The following ALG6 variants were observed in gnomAD, a reference collection of about 807,000 sequenced individuals.
ALG6 encodes the protein dolichyl pyrophosphate Man9GlcNAc2 alpha-1,3-glucosyltransferase.
A neutral mutation model predicts 66.6 loss-of-function variants in ALG6; 46 were observed. The ratio of observed to expected loss-of-function variants is 0.69; its 90% CI spans 0.55 to 0.88. The LOEUF is 0.88. Among genes scored for constraint, ALG6 ranks in the 40% least tolerant of loss-of-function variants. The probability of loss-of-function intolerance (pLI) is 0.00; values close to 1 mark genes in which losing one functional copy is unlikely to be tolerated. For missense variants in ALG6, 505 were observed against 586.8 expected (o/e 0.86, Z 1.44); for synonymous variants, 185 against 203.7 (o/e 0.91, Z 0.78).
chr1:63,397,849 T>C (rs1028842989), intron 3 of ALG6, among the ~76,000 whole-genome samples: 1 of 152,222 alleles, frequency 6.6e-6, no homozygotes, highest in Non-Finnish European at 1.5e-5. Context: ...TTATTACTTA[T>C]AGAATGAAAA....
At chr1:63,391,161 G>T (rs1346377773) in intron 2 of ALG6, among the ~76,000 whole-genome samples, 1 of 152,142 alleles carries the variant, frequency 6.6e-6, no homozygotes, top group Non-Finnish European at 1.5e-5. Context: ...TAATTAAGAA[G>T]CACTTACAGG....
intron 2 of ALG6, among the ~76,000 whole-genome samples, chr1:63,384,147 G>T (rs1648427325): frequency 6.6e-6 from 1 of 152,084 alleles, no homozygotes. Context: ...TCAATATATG[G>T]ATTTCCTTTA....
intron 7 of ALG6, among the ~76,000 whole-genome samples, chr1:63,410,442 G>A (rs1174016397): frequency 6.6e-6 from 1 of 152,032 alleles, no homozygotes. Flanking sequence ...TTTTTGTAGA[G>A]ATGGGGTTTT....
At chr1:63,371,433 T>G in intron 2 of ALG6, 1 of 263,768 alleles carries the variant, frequency 3.8e-6, no homozygotes, top group South Asian at 4.1e-5. Flanking sequence ...AGAATAAAAT[T>G]GGGAATGAGA....
intron 1 of ALG6, among the ~76,000 whole-genome samples, chr1:63,369,112 G>C (rs1647825506): frequency 6.6e-6 from 1 of 152,198 alleles, no homozygotes; most frequent in Non-Finnish European, 1.5e-5. Flanking sequence ...AAAATTATGT[G>C]TGTGAGATTG....
chr1:63,426,902 A>G (rs1644617812), intron 12 of ALG6, among the ~76,000 whole-genome samples: 1 of 152,116 alleles, frequency 6.6e-6, no homozygotes, highest in Admixed American at 6.6e-5. Context: ...CATAAATGGG[A>G]AAGAATTAAA....
intron 3 of ALG6, 77 bp downstream of exon 3, chr1:63,396,674 G>A (rs1023006747): frequency 1.4e-5 from 18 of 1,277,510 alleles, no homozygotes; most frequent in East Asian, 2.3e-5. Flanking sequence ...GGGACAACAC[G>A]CTATTTTCTT....
At chr1:63,396,725 A>G (rs759540348) in intron 3 of ALG6, 128 bp downstream of exon 3, 13 of 826,450 alleles carry the variant, frequency 1.6e-5, no homozygotes, top group Non-Finnish European at 2.6e-5. Context: ...GGTGCCACAT[A>G]TGTATTGCCT....
intron 7 of ALG6, among the ~76,000 whole-genome samples, chr1:63,409,368 A>C (rs1353660590): frequency 6.6e-6 from 1 of 152,088 alleles, no homozygotes; most frequent in Non-Finnish European, 1.5e-5. Flanking sequence ...TACGTTTTGA[A>C]GACTCATGTT....
intron 4 of ALG6, 151 bp downstream of exon 4, chr1:63,402,494 T>A: frequency 9.8e-6 from 5 of 510,762 alleles, no homozygotes; most frequent in South Asian, 2.2e-5. Context: ...TGAGATGAAG[T>A]CTCACTCCAT....
At chr1:63,420,319 A>T (rs533274887) in intron 12 of ALG6, among the ~76,000 whole-genome samples, 9 of 152,204 alleles carry the variant, frequency 5.9e-5, no homozygotes, top group African/African-American at 1.9e-4. Context: ...GGCTAGGCTG[A>T]CCCTACACAA....
intron 2 of ALG6, among the ~76,000 whole-genome samples, chr1:63,394,946 A>C (rs1362287941): frequency 6.7e-6 from 1 of 150,284 alleles, no homozygotes; most frequent in Non-Finnish European, 1.5e-5. Flanking sequence ...GCTCACTGCA[A>C]CCTCCGCCTC....
At chr1:63,413,659 C>G (rs1644527412) in intron 9 of ALG6, 1 of 169,664 alleles carries the variant, frequency 5.9e-6, no homozygotes, top group South Asian at 1.4e-4. Flanking sequence ...TAGCAGGTTA[C>G]TCTGTTACTC....
intron 2 of ALG6, among the ~76,000 whole-genome samples, chr1:63,371,481 A>G (rs1647922498): frequency 6.6e-6 from 1 of 152,030 alleles, no homozygotes; most frequent in African/African-American, 2.4e-5. Context: ...GGTGTGTTGG[A>G]TTGGCTTAAA....
rs1570046774 is a variant in ALG6, at chr1:63,390,463, G to A, written c.83-6050G>A. ...GGCATCCTTAAGCCATACTGCCTGG[G>A]GTTGAGGGAGGGGTGATGCAAGCAC... On this transcript the variant is annotated intron_variant, in intron 2 of 14. Coordinates refer to ENST00000263440, the MANE Select transcript of ALG6 (RefSeq NM_013339.4). Among the ~76,000 whole-genome samples, 4 of 152,176 alleles carry A rather than the reference G, an allele frequency of 2.6e-5. No individual in the cohort carries two copies. In the South Asian group the frequency reaches 8.3e-4, roughly 32 times the overall value.
intron 14 of ALG6, chr1:63,429,836 C>T (rs189709755): frequency 6.6e-4 from 97 of 146,986 alleles, no homozygotes; most frequent in Non-Finnish European, 9.6e-4. Flanking sequence ...CTTTATGACT[C>T]GGTTCTTTCA....
chr1:63,412,154 C>G, intron 9 of ALG6, 93 bp downstream of exon 9: 3 of 1,542,780 alleles, frequency 1.9e-6, no homozygotes, highest in Non-Finnish European at 2.7e-6. Flanking sequence ...ATAGGAACTT[C>G]AGCTACTTTC....
intron 8 of ALG6, 131 bp downstream of exon 8, chr1:63,411,462 T>A (rs1644515644): frequency 1.3e-6 from 1 of 795,770 alleles, no homozygotes; most frequent in African/African-American, 1.7e-5. Flanking sequence ...CTGTAGGGTA[T>A]GTGGGAAGAG....
At chr1:63,371,119 TG>T (rs1647912575) in intron 2 of ALG6, 60 bp downstream of exon 2, 1 of 1,189,426 alleles carries the variant, frequency 8.4e-7, no homozygotes. Flanking sequence ...GGTGTTTGTT[TG>T]GGGAAAAGTT....
Sources: allele counts gnomAD v4.1 joint callset (sites outside exome capture counted in the v4.1 genomes callset), GRCh38; gene constraint gnomAD v4.1.1; transcripts MANE v1.5; gene names NCBI Gene and HGNC (gene_info 2026-07-23, HGNC 2026-07-21).